The following KLHL2 variants were observed in gnomAD, a reference collection of about 807,000 sequenced individuals.
KLHL2 encodes the protein kelch like family member 2, also known as kelch-like protein 2.
KLHL2 carries 15 observed loss-of-function variants against 75.8 expected under a neutral mutation model. The ratio of observed to expected loss-of-function variants is 0.20; its 90% CI spans 0.13 to 0.30. The LOEUF is 0.30. Among genes scored for constraint, KLHL2 ranks in the 10% least tolerant of loss-of-function variants. KLHL2 has a pLI of 1.00. For synonymous variants in KLHL2, 214 were observed against 251.9 expected (o/e 0.85, Z 1.42); for missense variants, 381 against 741.0 (o/e 0.51, Z 5.64).
Position 165,284,093 on chromosome 4 carries a change from C to T in KLHL2, c.545-10266C>T, listed in dbSNP as rs28798183. On this transcript the variant is annotated intron_variant, in intron 5 of 14. Coordinates refer to ENST00000226725, the MANE Select transcript of KLHL2 (RefSeq NM_007246.4). Reference sequence around the variant, plus strand: ...TATGAAACCACTTTTTCCTCCTAGGCCTCTGGGCCTGTGATGGAAGGGGCT... The same window carrying T: ...TATGAAACCACTTTTTCCTCCTAGGTCTCTGGGCCTGTGATGGAAGGGGCT... Among the ~76,000 whole-genome samples the T allele has an allele frequency of 5.6e-3, 860 of 152,272 alleles. 9 individuals are homozygous for T. Among genetic ancestry groups the T allele is most frequent in the African/African-American group, 0.02 (828 of 41,562 alleles).
At chr4:165,221,037 C>T (rs952799661) in intron 2 of KLHL2, among the ~76,000 whole-genome samples, 1 of 152,122 alleles carries the variant, frequency 6.6e-6, no homozygotes, top group Non-Finnish European at 1.5e-5. Flanking sequence ...GGGATTAAAC[C>T]TTCCCTTAAT....
intron 11 of KLHL2, among the ~76,000 whole-genome samples, chr4:165,312,014 C>T (rs1384136257): frequency 6.6e-6 from 1 of 152,072 alleles, no homozygotes; most frequent in Non-Finnish European, 1.5e-5. Context: ...CTGTTCCCAC[C>T]TCAGATCATC....
At chr4:165,242,862 G>A (rs1261473976) in intron 4 of KLHL2, among the ~76,000 whole-genome samples, 9 of 152,150 alleles carry the variant, frequency 5.9e-5, no homozygotes, top group African/African-American at 2.2e-4. Context: ...GTGTGTGTAT[G>A]TGCATGTATG....
intron 9 of KLHL2, among the ~76,000 whole-genome samples, chr4:165,310,140 A>G (rs1030526979): frequency 6.6e-6 from 1 of 152,146 alleles, no homozygotes; most frequent in Non-Finnish European, 1.5e-5. Flanking sequence ...GATCAAGACC[A>G]CAGTGAAACC....
intron 6 of KLHL2, among the ~76,000 whole-genome samples, chr4:165,295,499 T>G: frequency 6.6e-6 from 1 of 152,232 alleles, no homozygotes; most frequent in East Asian, 1.9e-4. Context: ...AAGAGAAGAT[T>G]AGCAGAATAG....
chr4:165,272,821 A>C (rs1450384079), intron 5 of KLHL2, among the ~76,000 whole-genome samples: 1 of 152,172 alleles, frequency 6.6e-6, no homozygotes, highest in Non-Finnish European at 1.5e-5. Context: ...CAGAATTAGA[A>C]CACTTCTGTT....
rs1384428124 is a variant in KLHL2 at position 165,279,772 on chromosome 4, T to G, written c.545-14587T>G. 3 of 772,746 alleles carry G rather than the reference T, an allele frequency of 3.9e-6. No individual in the cohort carries two copies. The East Asian group carries it at 7.8e-5, about 20-fold the overall frequency. The allele number at this position is 772,746 out of a possible 1,614,324, so 47.9% of individuals were successfully genotyped here. ...AGTCCGCTGAACTAGCCTCACTTCT[T>G]TACTGGCTGGCTAGCAGGCTACTGC... On this transcript the variant is annotated intron_variant, in intron 5 of 14. Coordinates refer to ENST00000226725, the MANE Select transcript of KLHL2 (RefSeq NM_007246.4).
At chr4:165,321,839 C>T (rs1244635281) in intron 14 of KLHL2, among the ~76,000 whole-genome samples, 193 bp from the exon 15 acceptor site, 1 of 152,056 alleles carries the variant, frequency 6.6e-6, no homozygotes, top group Non-Finnish European at 1.5e-5. Context: ...ATTTAACTAG[C>T]CCATAACTAA....
chr4:165,295,229 A>G (rs1423994320), intron 6 of KLHL2, among the ~76,000 whole-genome samples: 1 of 152,208 alleles, frequency 6.6e-6, no homozygotes, highest in Non-Finnish European at 1.5e-5. Context: ...CTTAGAGGAA[A>G]TGAAACTTGA....
intron 7 of KLHL2, among the ~76,000 whole-genome samples, chr4:165,298,652 CAAA>C (rs759288319): frequency 5.9e-4 from 89 of 151,962 alleles, no homozygotes; most frequent in Non-Finnish European, 5.2e-4. Context: ...GAAGATGATC[CAAA>C]AGGGTGGGTG....
chr4:165,233,867 A>T (rs1739113670), intron 3 of KLHL2, among the ~76,000 whole-genome samples: 1 of 152,212 alleles, frequency 6.6e-6, no homozygotes, highest in Non-Finnish European at 1.5e-5. Context: ...TGCCACTCAA[A>T]CTGGTTTAAA....
intron 14 of KLHL2, among the ~76,000 whole-genome samples, chr4:165,318,970 A>G (rs1239776935): frequency 6.6e-6 from 1 of 152,262 alleles, no homozygotes; most frequent in East Asian, 1.9e-4. Context: ...AAATTTATCA[A>G]AACATATGCA....
intron 4 of KLHL2, among the ~76,000 whole-genome samples, chr4:165,239,264 C>CTTT (rs60521648): frequency 2.5e-4 from 34 of 134,840 alleles, no homozygotes; most frequent in African/African-American, 8.2e-4. Flanking sequence ...TTATTTCTGT[C>CTTT]TTTTTTTTTT....
rs1190269120 is a variant in KLHL2 at position 165,297,650 on chromosome 4, T to C, written c.696T>C (p.Asp232=). 6.2e-7 allele frequency: 1 copy of C among 1,613,912 alleles called. No individual in the cohort carries two copies. The highest frequency in any genetic ancestry group is 1.1e-5 in the South Asian group (1 of 91,082). ...AVIAWVNHDK[D]VRQEFMARLM... ...TAGCATGGGTGAACCATGACAAGGA[T>C]GTGAGGCAAGAGTTTATGGCCCGAC... The change falls in exon 7 of 15, where the codon GAT becomes GAC. Residue 232 remains aspartate (D), a synonymous_variant. Transcript: ENST00000226725.
chr4:165,289,786 A>G (rs1389207511), intron 5 of KLHL2, among the ~76,000 whole-genome samples: 1 of 152,196 alleles, frequency 6.6e-6, no homozygotes, highest in Non-Finnish European at 1.5e-5. Flanking sequence ...TGGTCAGTGA[A>G]GCAGAGACTA....
intron 1 of KLHL2, chr4:165,208,589 T>C (rs1297931457): frequency 1.3e-5 from 2 of 152,208 alleles, no homozygotes; most frequent in Non-Finnish European, 2.9e-5. Context: ...AGAATTACTT[T>C]CTAGAAATAA....
intron 5 of KLHL2, among the ~76,000 whole-genome samples, chr4:165,277,063 A>G (rs959455569): frequency 6.6e-6 from 1 of 152,220 alleles, no homozygotes; most frequent in African/African-American, 2.4e-5. Flanking sequence ...TAAGAAAAAA[A>G]TTCTGGTAGA....
chr4:165,245,507 G>A (rs1740189884), intron 4 of KLHL2, among the ~76,000 whole-genome samples: 2 of 152,172 alleles, frequency 1.3e-5, no homozygotes, highest in South Asian at 2.1e-4. Context: ...TGAGATTGTG[G>A]AGGGTCTGCA....
At chr4:165,241,026 T>C (rs1739779436) in intron 4 of KLHL2, among the ~76,000 whole-genome samples, 1 of 152,222 alleles carries the variant, frequency 6.6e-6, no homozygotes, top group Admixed American at 6.5e-5. Context: ...GTGTATATAT[T>C]GCTTAGCTTT....
Sources: gnomAD v4.1 joint callset for allele counts (sites outside exome capture counted in the v4.1 genomes callset) on GRCh38, gnomAD v4.1.1 for gene constraint, MANE v1.5 for transcripts, NCBI Gene and HGNC (gene_info 2026-07-23, HGNC 2026-07-21) for gene names.